Variants in REEP1 observed in about 807,000 individuals in gnomAD.
REEP1 encodes the protein receptor accessory protein 1, also known as receptor expression-enhancing protein 1.
Under a neutral mutation model 40.3 loss-of-function variants are expected in REEP1, and 22 were observed. The observed-to-expected ratio is 0.55, with a 90% CI of 0.39 to 0.78. REEP1 has a LOEUF of 0.78. Among genes scored for constraint, REEP1 ranks in the 30% least tolerant of loss-of-function variants. The probability of loss-of-function intolerance (pLI) is 0.00; values close to 1 mark genes in which losing one functional copy is unlikely to be tolerated. For missense variants in REEP1, 280 were observed against 361.1 expected (o/e 0.78, Z 1.82); for synonymous variants, 116 against 139.2 (o/e 0.83, Z 1.17).
At chr2:86,222,932 G>A (rs1281387210) in intron 7 of REEP1, among the ~76,000 whole-genome samples, 1 of 152,188 alleles carries the variant, frequency 6.6e-6, no homozygotes, top group Non-Finnish European at 1.5e-5. Context: ...CTAAAGATTG[G>A]TGACCCAACA....
chr2:86,292,557 G>A (rs914395026), intron 1 of REEP1, among the ~76,000 whole-genome samples: 2 of 152,032 alleles, frequency 1.3e-5, no homozygotes, highest in African/African-American at 4.8e-5. Flanking sequence ...CTATTTCCCA[G>A]CTTATGCTCC....
chr2:86,276,789 C>A, intron 2 of REEP1, among the ~76,000 whole-genome samples: 1 of 151,190 alleles, frequency 6.6e-6, no homozygotes, highest in Non-Finnish European at 1.5e-5. Flanking sequence ...GGTCCGTGGA[C>A]CAGCACTGTT....
intron 1 of REEP1, among the ~76,000 whole-genome samples, chr2:86,328,081 T>C (rs566270775): frequency 6.6e-6 from 1 of 152,212 alleles, no homozygotes; most frequent in East Asian, 1.9e-4. Context: ...CAGCCTGAAG[T>C]GTGCACAGAT....
intron 7 of REEP1, among the ~76,000 whole-genome samples, chr2:86,225,661 T>A (rs1457329764): frequency 6.6e-6 from 1 of 152,232 alleles, no homozygotes; most frequent in Non-Finnish European, 1.5e-5. Flanking sequence ...ACACGTCACA[T>A]AATGCAGTTT....
chr2:86,329,980 T>C (rs949713783), intron 1 of REEP1, among the ~76,000 whole-genome samples: 1 of 152,034 alleles, frequency 6.6e-6, no homozygotes. Flanking sequence ...TGGAGAAAGG[T>C]AGAGACATGT....
chr2:86,326,793 C>T (rs918250106), intron 1 of REEP1, among the ~76,000 whole-genome samples: 5 of 152,180 alleles, frequency 3.3e-5, no homozygotes, highest in Non-Finnish European at 7.4e-5. Context: ...CTCCCTGCCT[C>T]ACAAGGCAGC....
intron 4 of REEP1, among the ~76,000 whole-genome samples, chr2:86,253,566 T>C (rs1676396846): frequency 6.6e-6 from 1 of 152,130 alleles, no homozygotes. Flanking sequence ...TCAATGGAAG[T>C]TACATTGGCA....
intron 1 of REEP1, among the ~76,000 whole-genome samples, chr2:86,291,223 G>T (rs973804529): frequency 3.3e-5 from 5 of 152,176 alleles, no homozygotes; most frequent in Admixed American, 6.5e-5. Context: ...GTCTCTGAAT[G>T]AATGAATGAG....
intron 1 of REEP1, among the ~76,000 whole-genome samples, chr2:86,302,536 A>C (rs1448493302): frequency 1.3e-5 from 2 of 152,204 alleles, no homozygotes; most frequent in Non-Finnish European, 2.9e-5. Flanking sequence ...TCCAAAAGAA[A>C]TCATCAGAGG....
In REEP1 at chr2:86,215,810, GTA is replaced by G. The variant is rs140610154; in HGVS notation, c.*1227_*1228del. 447 of 152,486 alleles carry G rather than the reference GTA, an allele frequency of 2.9e-3. 3 individuals carry two copies. Among genetic ancestry groups the G allele is most frequent in the African/African-American group, 0.01 (416 of 41,566 alleles). 9.4% of individuals were successfully genotyped at this position (152,486 alleles called of 1,614,324 possible). A position where few individuals can be genotyped will look rare whatever the true frequency, so the allele number is the denominator to read the frequency against. ...TGATAAGGCCTGTAGTGCCCATTGA[GTA>G]TGAGTCTGCTGTTTACATTCTGCAC... is the stretch of plus-strand genomic sequence containing the variant. On this transcript the variant is annotated 3_prime_UTR_variant, in exon 9 of 9. Coordinates refer to ENST00000538924, the MANE Select transcript of REEP1 (RefSeq NM_001371279.1).
intron 5 of REEP1, among the ~76,000 whole-genome samples, chr2:86,249,567 A>G (rs1676156336): frequency 6.6e-6 from 1 of 152,000 alleles, no homozygotes; most frequent in Admixed American, 6.6e-5. Flanking sequence ...AAAAATAGAG[A>G]TTCATGGGCC....
intron 5 of REEP1, among the ~76,000 whole-genome samples, chr2:86,243,557 G>A (rs1207575117): frequency 6.6e-6 from 1 of 152,200 alleles, no homozygotes; most frequent in Non-Finnish European, 1.5e-5. Flanking sequence ...GCATGGAGCA[G>A]TGTGAGGTGA....
At chr2:86,231,094 C>T (rs1162389927) in intron 6 of REEP1, among the ~76,000 whole-genome samples, 2 of 152,244 alleles carry the variant, frequency 1.3e-5, no homozygotes, top group Admixed American at 6.5e-5. Flanking sequence ...CAGAAGGCCA[C>T]GCTCTACTGC....
chr2:86,221,674 G>A (rs1674436446), intron 7 of REEP1, among the ~76,000 whole-genome samples: 1 of 152,132 alleles, frequency 6.6e-6, no homozygotes, highest in African/African-American at 2.4e-5. Flanking sequence ...AGACTGGGGG[G>A]CCATGGCTGA....
Position 86,337,109 on chromosome 2 carries a change from A to C in REEP1, c.32+370T>G, listed in dbSNP as rs892430410. 6.5e-6 allele frequency: 1 copy of C among 153,160 alleles called. No homozygotes were observed. Among genetic ancestry groups the C allele is most frequent in the Non-Finnish European group, 1.5e-5 (1 of 68,904 alleles). The allele number at this position is 153,160 out of a possible 1,614,324, so 9.5% of individuals were successfully genotyped here. A position where few individuals can be genotyped will look rare whatever the true frequency, so the allele number is the denominator to read the frequency against. ...GCCGGGCGACCTCACATTTCTGCCA[A>C]AGGAGAGAGACGCGTGTCCGCGGTG... On this transcript the variant is annotated intron_variant, in intron 1 of 8. Coordinates refer to ENST00000538924, the MANE Select transcript of REEP1 (RefSeq NM_001371279.1). The surrounding 1 kb of genome is among the most constrained non-coding windows in gnomAD (Gnocchi z 5.8).
chr2:86,280,877 C>T (rs999105184), intron 2 of REEP1, among the ~76,000 whole-genome samples: 1 of 152,136 alleles, frequency 6.6e-6, no homozygotes, highest in African/African-American at 2.4e-5. Context: ...AAAAAAAATA[C>T]TGACTTTCTA....
In REEP1 at chr2:86,217,079, C is replaced by G. The variant is rs1254181677; in HGVS notation, c.815G>C (p.Arg272Thr). ...GGCCGAGGATGAGGTACTTTTCTTCCTGAAGCGAGATCGAAGGATTCTAGG... is the reference window on the plus strand; with the variant it reads ...GGCCGAGGATGAGGTACTTTTCTTCGTGAAGCGAGATCGAAGGATTCTAGG... Reference protein sequence around the residue: ...APPRILRSRFRKKSTSSSATE... With the variant: ...APPRILRSRFTKKSTSSSATE... Residue 272 changes from arginine (R) to threonine (T), a missense_variant, in exon 9 of 9, where the codon AGG (arginine) becomes ACG (threonine). Arg to Thr is a moderately conservative substitution (Grantham distance 71). Around this residue, in one of 3 missense-constraint regions of REEP1, gnomAD observed 201 missense variants for 238.5 expected, o/e 0.84. Transcript: ENST00000538924. 1.2e-6 allele frequency: 2 copies of G among 1,614,126 alleles called. No homozygotes were observed. Among genetic ancestry groups the G allele is most frequent in the Non-Finnish European group, 1.7e-6 (2 of 1,180,012 alleles).
At chr2:86,323,940 G>A (rs1680388951) in intron 1 of REEP1, among the ~76,000 whole-genome samples, 1 of 151,722 alleles carries the variant, frequency 6.6e-6, no homozygotes, top group Non-Finnish European at 1.5e-5. Context: ...ATAGAGCCAG[G>A]AAAACTGGCT....
intron 1 of REEP1, chr2:86,297,764 G>C: frequency 1.0e-6 from 1 of 981,136 alleles, no homozygotes; most frequent in Non-Finnish European, 1.2e-6. Flanking sequence ...ACTGGTTCTG[G>C]GTGTGAGGGA....
Sources: allele counts gnomAD v4.1 joint callset (sites outside exome capture counted in the v4.1 genomes callset), GRCh38; gene constraint gnomAD v4.1.1; regional missense constraint gnomAD v4.1.1; non-coding constraint Gnocchi (gnomAD v3.1); transcripts MANE v1.5; gene names NCBI Gene and HGNC (gene_info 2026-07-23, HGNC 2026-07-21).